MRPL1: variants seen among roughly 807,000 people sequenced by gnomAD.
MRPL1 encodes the protein mitochondrial ribosomal protein L1.
In MRPL1, 28 loss-of-function variants were observed where a neutral mutation model predicts 38.0. That is an observed-to-expected ratio of 0.74 (90% CI 0.55 to 1.01). MRPL1 has a LOEUF of 1.01. MRPL1 is among the 50% of genes least tolerant of loss of function. MRPL1 has a pLI of 0.00. For missense variants in MRPL1, 358 were observed against 389.8 expected, an observed-to-expected ratio of 0.92 and a Z score of 0.69; for synonymous variants, 123 against 126.7, an observed-to-expected ratio of 0.97 and a Z score of 0.20.
At chr4:77,929,641 G>T (rs1233637406) in intron 7 of MRPL1, among the ~76,000 whole-genome samples, 1 of 151,986 alleles carries the variant, frequency 6.6e-6, no homozygotes, top group African/African-American at 2.4e-5. Flanking sequence ...ACCACAGCTT[G>T]TCTTTATATG....
intron 2 of MRPL1, among the ~76,000 whole-genome samples, chr4:77,877,707 TTA>T (rs2110232322): frequency 1.3e-5 from 2 of 151,852 alleles, no homozygotes; most frequent in African/African-American, 4.8e-5. Flanking sequence ...ATGGCACCAC[TTA>T]TCTGTTGCAT....
At chr4:77,885,166 A>G (rs1294008337) in intron 3 of MRPL1, 90 bp from the exon 4 acceptor site, 11 of 987,654 alleles carry the variant, frequency 1.1e-5, no homozygotes, top group South Asian at 1.1e-4. Context: ...GAACACTGAA[A>G]ACAAAACATG....
intron 1 of MRPL1, among the ~76,000 whole-genome samples, chr4:77,870,745 C>G (rs1351736949): frequency 6.6e-6 from 1 of 152,128 alleles, no homozygotes; most frequent in Non-Finnish European, 1.5e-5. Context: ...GAAGACTTTA[C>G]TTTTGTAATC....
intron 1 of MRPL1, among the ~76,000 whole-genome samples, chr4:77,864,161 C>T (rs1735074316): frequency 6.6e-6 from 1 of 152,136 alleles, no homozygotes; most frequent in Non-Finnish European, 1.5e-5. Context: ...AAGGCATCTT[C>T]ATGTATGACA....
intron 7 of MRPL1, among the ~76,000 whole-genome samples, chr4:77,947,765 A>G (rs1478301973): frequency 2.6e-5 from 4 of 152,250 alleles, no homozygotes; most frequent in Admixed American, 2.6e-4. Flanking sequence ...AAATAATCAC[A>G]GTAATGCCTA....
rs1324114647 is a variant in MRPL1, at chr4:77,890,683, G to A, written c.558+3392G>A. ...AAAGGATATTCAATTAGGAAAAGAG[G>A]AAGTCAAATTGTCTCTGTTTGCAGA... On this transcript the variant is annotated intron_variant, in intron 5 of 8. Transcript: ENST00000315567. 2.6e-5 allele frequency among the ~76,000 whole-genome samples: 4 copies of A among 152,296 alleles called. No homozygotes were observed. The East Asian group carries it at 7.7e-4, about 29-fold the overall frequency.
chr4:77,888,362 A>G (rs1735729653), intron 5 of MRPL1, among the ~76,000 whole-genome samples: 1 of 152,044 alleles, frequency 6.6e-6, no homozygotes, highest in African/African-American at 2.4e-5. Flanking sequence ...AAAATTAGCC[A>G]GGCGTGGTGG....
At chr4:77,878,985 T>A (rs187538328) in intron 2 of MRPL1, among the ~76,000 whole-genome samples, 11 of 152,312 alleles carry the variant, frequency 7.2e-5, no homozygotes, top group African/African-American at 2.6e-4. Context: ...TACAGTCTCT[T>A]ATTACTCGTT....
intron 5 of MRPL1, among the ~76,000 whole-genome samples, chr4:77,890,590 C>T (rs1260759348): frequency 6.6e-6 from 1 of 152,096 alleles, no homozygotes; most frequent in East Asian, 1.9e-4. Context: ...ACAGGGATGC[C>T]CTCTCTCACT....
intron 6 of MRPL1, chr4:77,908,485 GGCCTTCCAAAGT>G (rs1404441925): frequency 6.6e-6 from 1 of 152,006 alleles, no homozygotes; most frequent in Non-Finnish European, 1.5e-5. Context: ...TGCCTGCCTC[GGCCTTCCAAAGT>G]GCTGGGATTA....
chr4:77,871,118 G>A (rs926182292), intron 1 of MRPL1, among the ~76,000 whole-genome samples: 2 of 152,076 alleles, frequency 1.3e-5, no homozygotes, highest in African/African-American at 4.8e-5. Flanking sequence ...AGCCTTGAGA[G>A]GCTGAGGAGG....
chr4:77,936,021 AT>A (rs983532226), intron 7 of MRPL1, among the ~76,000 whole-genome samples: 1 of 152,102 alleles, frequency 6.6e-6, no homozygotes, highest in African/African-American at 2.4e-5. Flanking sequence ...ACTAAAACTA[AT>A]TTTTTTATTA....
At chr4:77,933,104 G>A (rs78599536) in intron 7 of MRPL1, among the ~76,000 whole-genome samples, 8,055 of 152,016 alleles carry the variant, frequency 0.053, 289 homozygotes, top group African/African-American at 0.1. Flanking sequence ...CGCTCCACAC[G>A]TGGCTAATTT....
At position 77,894,226 on chromosome 4, in the gene MRPL1, A is replaced by T. The variant is rs1488458041; in HGVS notation, c.646A>T (p.Lys216Ter). The T allele has an allele frequency of 4.4e-6, 7 of 1,594,666 alleles. No homozygotes were observed. Among genetic ancestry groups the T allele is most frequent in the Non-Finnish European group, 6.0e-6 (7 of 1,167,898 alleles). The change falls in exon 6 of 9, where the codon AAA becomes TAA. Residue 216 changes from lysine (K) to a stop codon, truncating the protein, a stop_gained. Coordinates refer to ENST00000315567, the MANE Select transcript of MRPL1 (RefSeq NM_020236.4). LOFTEE classifies it high-confidence loss of function. ...TAATCGATTAAGGAAGAAACTGAAT[A>T]AAAAATATCCAAAGCTTTCTCGAAG... ...ELNRLRKKLN[K>*]KYPKLSRNSI...
chr4:77,937,645 G>C (rs1737018637), intron 7 of MRPL1, among the ~76,000 whole-genome samples: 1 of 152,090 alleles, frequency 6.6e-6, no homozygotes, highest in South Asian at 2.1e-4. Flanking sequence ...CTCCTCACTT[G>C]GCTTCTGCTG....
At chr4:77,903,274 A>C (rs1054738255) in intron 6 of MRPL1, among the ~76,000 whole-genome samples, 1 of 152,216 alleles carries the variant, frequency 6.6e-6, no homozygotes, top group Admixed American at 6.5e-5. Flanking sequence ...ATCATCTCAG[A>C]TGCAGAGAAA....
chr4:77,872,993 A>G (rs564964674), intron 2 of MRPL1, among the ~76,000 whole-genome samples: 2 of 152,332 alleles, frequency 1.3e-5, no homozygotes, highest in Middle Eastern at 3.4e-3. Context: ...AGATTGCGCC[A>G]CTACACTCTA....
chr4:77,868,089 G>T (rs1298811864), intron 1 of MRPL1, among the ~76,000 whole-genome samples: 3 of 151,350 alleles, frequency 2.0e-5, no homozygotes, highest in African/African-American at 7.3e-5. Context: ...TTGAGATGGA[G>T]TCTCACTCTG....
chr4:77,915,240 A>G (rs1311698660), intron 7 of MRPL1, among the ~76,000 whole-genome samples: 4 of 152,190 alleles, frequency 2.6e-5, no homozygotes, highest in Non-Finnish European at 5.9e-5. Context: ...TTCTGTATCA[A>G]TGTGCTAAAT....
Sources: gnomAD v4.1 joint callset for allele counts (sites outside exome capture counted in the v4.1 genomes callset) on GRCh38, gnomAD v4.1.1 for gene constraint, MANE v1.5 for transcripts, NCBI Gene and HGNC (gene_info 2026-07-23, HGNC 2026-07-21) for gene names.